MAGI2: variants seen among roughly 807,000 people sequenced by gnomAD.
MAGI2 encodes membrane-associated guanylate kinase, WW and PDZ domain-containing protein 2.
A neutral mutation model predicts 133.3 loss-of-function variants in MAGI2; 35 were observed. The ratio of observed to expected loss-of-function variants is 0.26; its 90% CI spans 0.20 to 0.35. The LOEUF (loss-of-function observed/expected upper bound fraction) is 0.35. Ranked by LOEUF, MAGI2 falls within the 10% of genes least tolerant of loss-of-function variation. The pLI is 1.00. For missense variants in MAGI2, 1,636 were observed against 1,863.4 expected, an observed-to-expected ratio of 0.88 and a Z score of 2.25; for synonymous variants, 729 against 710.6, an observed-to-expected ratio of 1.03 and a Z score of -0.41.
At chr7:78,198,098 C>T (rs1042857394) in intron 11 of MAGI2, among the ~76,000 whole-genome samples, 1 of 152,218 alleles carries the variant, frequency 6.6e-6, no homozygotes, top group Non-Finnish European at 1.5e-5. Context: ...CTTGCTCTGG[C>T]TAGCATCTTC....
chr7:78,429,981 C>CT (rs1206703093), intron 6 of MAGI2, among the ~76,000 whole-genome samples: 1 of 152,134 alleles, frequency 6.6e-6, no homozygotes, highest in Non-Finnish European at 1.5e-5. Context: ...TCCAGAATCC[C>CT]TTTTCCTAAC....
chr7:78,118,359 A>G (rs750573950), intron 20 of MAGI2, among the ~76,000 whole-genome samples: 3 of 152,230 alleles, frequency 2.0e-5, no homozygotes, highest in Admixed American at 6.5e-5. Context: ...GCTGGATTTC[A>G]TTAAAATTAA....
intron 3 of MAGI2, among the ~76,000 whole-genome samples, chr7:78,535,119 G>A (rs1388810072): frequency 1.3e-5 from 2 of 152,056 alleles, no homozygotes; most frequent in African/African-American, 4.8e-5. Flanking sequence ...GTGACAGAGC[G>A]AGACTCCATC....
chr7:78,917,719 T>A (rs1798909927), intron 2 of MAGI2, among the ~76,000 whole-genome samples: 1 of 152,092 alleles, frequency 6.6e-6, no homozygotes, highest in African/African-American at 2.4e-5. Context: ...CACTTACATA[T>A]CTGACAGACA....
At chr7:78,847,762 T>C (rs1048216376) in intron 2 of MAGI2, among the ~76,000 whole-genome samples, 4 of 151,946 alleles carry the variant, frequency 2.6e-5, no homozygotes, top group African/African-American at 9.7e-5. Context: ...CTCTAATCCT[T>C]CTTCTCACTT....
chr7:79,376,865 C>T (rs1197527295), intron 1 of MAGI2, among the ~76,000 whole-genome samples: 1 of 149,164 alleles, frequency 6.7e-6, no homozygotes, highest in Non-Finnish European at 1.5e-5. Context: ...GTATTCAACA[C>T]AAGAGAAACA....
intron 1 of MAGI2, among the ~76,000 whole-genome samples, chr7:79,148,557 A>T (rs1445496070): frequency 6.6e-6 from 1 of 151,928 alleles, no homozygotes; most frequent in Non-Finnish European, 1.5e-5. Flanking sequence ...AGTTTGCTAG[A>T]CTTGGAAGTT....
At chr7:78,346,134 G>T in intron 7 of MAGI2, 91 bp from the exon 8 acceptor site, 2 of 1,430,120 alleles carry the variant, frequency 1.4e-6, no homozygotes, top group Non-Finnish European at 1.9e-6. Context: ...GGTGATTAAG[G>T]GCCACCTTAT....
chr7:79,018,493 T>C lies in MAGI2; in HGVS notation c.302-11287A>G, dbSNP rs1209221342. Among the ~76,000 whole-genome samples the C allele has an allele frequency of 2.0e-5, 3 of 152,134 alleles. No individual in the cohort carries two copies. The East Asian group carries it at 5.8e-4, about 29-fold the overall frequency. On this transcript the variant is annotated intron_variant, in intron 1 of 21. Transcript: ENST00000354212. ...ACTATAAAGCAACCACACAAACATGTCTGCATAATTACGAGCTAACAACCT... is the reference window on the plus strand; with the variant it reads ...ACTATAAAGCAACCACACAAACATGCCTGCATAATTACGAGCTAACAACCT...
intron 1 of MAGI2, among the ~76,000 whole-genome samples, chr7:79,311,851 C>A (rs1256487117): frequency 6.6e-6 from 1 of 152,144 alleles, no homozygotes; most frequent in Non-Finnish European, 1.5e-5. Context: ...GCTACTTAGA[C>A]AAAAAATCTT....
At chr7:78,982,034 C>A (rs1804835332) in intron 2 of MAGI2, among the ~76,000 whole-genome samples, 1 of 151,748 alleles carries the variant, frequency 6.6e-6, no homozygotes. Flanking sequence ...CAGGCAGGTC[C>A]AAAACCTGGT....
intron 10 of MAGI2, among the ~76,000 whole-genome samples, chr7:78,213,785 A>G (rs1788001746): frequency 6.6e-6 from 1 of 152,178 alleles, no homozygotes; most frequent in African/African-American, 2.4e-5. Context: ...GTGTCTATGA[A>G]CCTATTCTGG....
chr7:78,959,261 AC>A (rs1405675146), intron 2 of MAGI2, among the ~76,000 whole-genome samples: 8 of 152,128 alleles, frequency 5.3e-5, no homozygotes, highest in African/African-American at 1.9e-4. Context: ...GCTGAACATT[AC>A]TTTTGGTTAT....
intron 10 of MAGI2, among the ~76,000 whole-genome samples, chr7:78,202,949 A>G (rs1463035345): frequency 6.6e-6 from 1 of 152,184 alleles, no homozygotes; most frequent in Non-Finnish European, 1.5e-5. Context: ...ATATAAATAA[A>G]TACATTTATC....
At chr7:78,704,778 C>CTTTTTTTTTTTCTT (rs1554535242) in intron 2 of MAGI2, among the ~76,000 whole-genome samples, 1 of 47,364 alleles carries the variant, frequency 2.1e-5, no homozygotes. Context: ...GGCCATTATT[C>CTTTTTTTTTTTCTT]TTTTTTTTTT....
chr7:78,461,136 CTA>C (rs1311368064), intron 6 of MAGI2, among the ~76,000 whole-genome samples: 3 of 152,032 alleles, frequency 2.0e-5, no homozygotes, highest in African/African-American at 7.3e-5. Flanking sequence ...ATATTTCATT[CTA>C]TGTCAGTTTA....
chr7:78,772,198 T>A (rs1825649564), intron 2 of MAGI2, among the ~76,000 whole-genome samples: 2 of 152,144 alleles, frequency 1.3e-5, no homozygotes, highest in South Asian at 2.1e-4. Flanking sequence ...TCTCTACCAC[T>A]GAATAGAAAA....
At chr7:78,495,688 T>G (rs1490517216) in intron 5 of MAGI2, among the ~76,000 whole-genome samples, 2 of 152,196 alleles carry the variant, frequency 1.3e-5, no homozygotes, top group East Asian at 3.8e-4. Flanking sequence ...TCCTAAATAA[T>G]TTTCCTACAA....
intron 6 of MAGI2, among the ~76,000 whole-genome samples, chr7:78,410,776 T>G (rs1175647078): frequency 6.6e-6 from 1 of 151,904 alleles, no homozygotes; most frequent in Non-Finnish European, 1.5e-5. Context: ...TGGCAGATTC[T>G]GTGGGAAAGA....
Sources: gnomAD v4.1 joint callset for allele counts (sites outside exome capture counted in the v4.1 genomes callset) on GRCh38, gnomAD v4.1.1 for gene constraint, MANE v1.5 for transcripts, NCBI Gene and HGNC (gene_info 2026-07-23, HGNC 2026-07-21) for gene names.